Variants in RAVER2 observed in about 807,000 individuals in gnomAD.
The protein encoded by RAVER2 is ribonucleoprotein PTB-binding 2.
A neutral mutation model predicts 78.1 loss-of-function variants in RAVER2; 46 were observed. The observed-to-expected ratio is 0.59, with a 90% CI of 0.46 to 0.75. The LOEUF is 0.75. Ranked by LOEUF, RAVER2 falls within the 30% of genes least tolerant of loss-of-function variation. The pLI is 0.00. For synonymous variants in RAVER2, 311 were observed against 313.3 expected (o/e 0.99, Z 0.08); for missense variants, 793 against 837.5 (o/e 0.95, Z 0.66).
At chr1:64,771,111 T>C (rs1652304916) in intron 2 of RAVER2, among the ~76,000 whole-genome samples, 2 of 152,082 alleles carry the variant, frequency 1.3e-5, no homozygotes, top group South Asian at 2.1e-4. Flanking sequence ...CAGTGTACGT[T>C]GTAATCAAAT....
intron 4 of RAVER2, among the ~76,000 whole-genome samples, chr1:64,784,828 ATC>A (rs1393943182): frequency 6.6e-6 from 1 of 152,188 alleles, no homozygotes; most frequent in Non-Finnish European, 1.5e-5. Flanking sequence ...CAGAAATACT[ATC>A]ACATCCTTTC....
intron 7 of RAVER2, 44 bp from the exon 8 acceptor site, chr1:64,804,947 A>C (rs1352229466): frequency 1.9e-6 from 3 of 1,574,418 alleles, no homozygotes; most frequent in Non-Finnish European, 2.6e-6. Context: ...TTTTTAGGTT[A>C]TATCTTATGG....
At chr1:64,774,217 A>G (rs759172578) in intron 2 of RAVER2, among the ~76,000 whole-genome samples, 1 of 152,106 alleles carries the variant, frequency 6.6e-6, no homozygotes, top group Admixed American at 6.6e-5. Context: ...TTTTGTTGCC[A>G]TTGCTTTTGG....
At chr1:64,761,860 C>T (rs1420120786) in intron 1 of RAVER2, among the ~76,000 whole-genome samples, 2 of 151,866 alleles carry the variant, frequency 1.3e-5, no homozygotes, top group African/African-American at 2.4e-5. Context: ...CTGTAATCCC[C>T]GGACTTGGGG....
intron 11 of RAVER2, chr1:64,816,067 T>C (rs558837297): frequency 1.1e-4 from 17 of 152,336 alleles, no homozygotes; most frequent in Non-Finnish European, 2.4e-4. Flanking sequence ...AAACAAACTT[T>C]TTATAAACAG....
chr1:64,777,577 T>C, intron 2 of RAVER2, 46 bp from the exon 3 acceptor site: 1 of 1,477,990 alleles, frequency 6.8e-7, no homozygotes, highest in Non-Finnish European at 9.2e-7. Flanking sequence ...CTTACTGTGT[T>C]TTCAAACAAT....
intron 3 of RAVER2, among the ~76,000 whole-genome samples, chr1:64,779,004 ATTAT>A (rs925800840): frequency 4.0e-5 from 6 of 148,558 alleles, no homozygotes; most frequent in South Asian, 2.1e-4. Context: ...TAAAATATAT[ATTAT>A]TTAAGTTGAC....
chr1:64,750,263 C>T (rs1651660970), intron 1 of RAVER2, among the ~76,000 whole-genome samples: 1 of 150,948 alleles, frequency 6.6e-6, no homozygotes, highest in South Asian at 2.1e-4. Flanking sequence ...AATCTTTTTT[C>T]GTAATTAAAT....
intron 6 of RAVER2, 125 bp from the exon 7 acceptor site, chr1:64,804,609 T>G: frequency 1.9e-6 from 1 of 515,244 alleles, no homozygotes; most frequent in South Asian, 3.0e-5. Flanking sequence ...AGTTGGAGAG[T>G]GAAATATGTT....
intron 5 of RAVER2, among the ~76,000 whole-genome samples, chr1:64,799,249 C>T (rs1357195490): frequency 6.6e-6 from 1 of 152,120 alleles, no homozygotes; most frequent in African/African-American, 2.4e-5. Context: ...CTGCAAATGA[C>T]CAGCTTTCCT....
At chr1:64,776,037 A>T (rs879362121) in intron 2 of RAVER2, among the ~76,000 whole-genome samples, 12 of 150,856 alleles carry the variant, frequency 8.0e-5, no homozygotes, top group Non-Finnish European at 1.6e-4. Context: ...AAAAAAAAAA[A>T]GGAAAGAAAG....
chr1:64,766,358 CTCTT>C (rs1312507050), intron 1 of RAVER2, among the ~76,000 whole-genome samples: 1 of 152,152 alleles, frequency 6.6e-6, no homozygotes, highest in Non-Finnish European at 1.5e-5. Flanking sequence ...TATTGGGACT[CTCTT>C]TCAGGTTTTA....
intron 11 of RAVER2, among the ~76,000 whole-genome samples, chr1:64,826,260 T>A (rs562188049): frequency 4.6e-5 from 7 of 152,056 alleles, no homozygotes; most frequent in Middle Eastern, 3.4e-3. Flanking sequence ...GGGGAAAAAA[T>A]TAGTAAAAGG....
chr1:64,768,638 T>A lies in RAVER2; in HGVS notation c.250-18T>A, dbSNP rs1307092884. The A allele has an allele frequency of 6.8e-7, 1 of 1,475,858 alleles. No individual in the cohort carries two copies. 91.4% of individuals were successfully genotyped at this position (1,475,858 alleles called of 1,614,324 possible). On this transcript the variant is annotated intron_variant, in intron 1 of 11. Transcript: ENST00000294428. ...TGCATTTGTATGTTTACTGAATTCGTGTTTTTTTCTCTTTCAGGAAGTTCA... is the reference window on the plus strand; with the variant it reads ...TGCATTTGTATGTTTACTGAATTCGAGTTTTTTTCTCTTTCAGGAAGTTCA...
rs1653236994 is a variant in RAVER2, at chr1:64,800,629, T to C, written c.1106-2347T>C. ...CCTATCACTTGCAGAGGAGTTCTTT[T>C]CCGTGTACCAGTTTTCCACTCAAAA... is the stretch of plus-strand genomic sequence containing the variant. On this transcript the variant is annotated intron_variant, in intron 5 of 11. Coordinates refer to ENST00000294428, the Ensembl canonical transcript of RAVER2. 2.0e-5 allele frequency among the ~76,000 whole-genome samples: 3 copies of C among 152,346 alleles called. No individual in the cohort carries two copies. In the South Asian group the frequency reaches 6.2e-4, roughly 32 times the overall value.
chr1:64,793,236 C>G (rs1416395652), intron 5 of RAVER2, among the ~76,000 whole-genome samples: 1 of 152,094 alleles, frequency 6.6e-6, no homozygotes, highest in Non-Finnish European at 1.5e-5. Context: ...ATTCTTATAC[C>G]CTTGCTCTGC....
At chr1:64,824,088 T>C (rs1038242832) in intron 11 of RAVER2, among the ~76,000 whole-genome samples, 2 of 152,238 alleles carry the variant, frequency 1.3e-5, no homozygotes, top group Admixed American at 6.5e-5. Context: ...ATTATAGGCA[T>C]GTGCCACCGC....
rs982375208 is a variant in RAVER2, at chr1:64,745,795, G to A, written c.249+374G>A. ...TTGCGGGGGGGAGCGGGGGTAGAGG[G>A]GGCCGAAGCTTCGGGAGCACCTTGG... is the stretch of plus-strand genomic sequence containing the variant. On this transcript the variant is annotated intron_variant, in intron 1 of 11. Transcript: ENST00000294428. This position sits in a 1 kb window ranked among gnomAD's most constrained non-coding sequence, Gnocchi z 4.3. Among the ~76,000 whole-genome samples the A allele has an allele frequency of 9.9e-5, 15 of 151,984 alleles. No homozygotes were observed. The highest frequency in any genetic ancestry group is 1.8e-4 in the Non-Finnish European group (12 of 67,990).
intron 10 of RAVER2, among the ~76,000 whole-genome samples, chr1:64,813,791 G>A (rs897472693): frequency 2.0e-5 from 3 of 147,610 alleles, no homozygotes; most frequent in Admixed American, 1.4e-4. Context: ...TATAAGAATG[G>A]TTAGTTTACA....
Sources: allele counts gnomAD v4.1 joint callset (sites outside exome capture counted in the v4.1 genomes callset), GRCh38; gene constraint gnomAD v4.1.1; non-coding constraint Gnocchi (gnomAD v3.1); transcripts MANE v1.5; gene names NCBI Gene and HGNC (gene_info 2026-07-23, HGNC 2026-07-21).